Variants in CSNK2A1 observed in about 807,000 individuals in gnomAD.
CSNK2A1 encodes casein kinase 2 alpha 1.
A neutral mutation model predicts 62.9 loss-of-function variants in CSNK2A1; 10 were observed. The ratio of observed to expected loss-of-function variants is 0.16; its 90% CI spans 0.10 to 0.27. The LOEUF (loss-of-function observed/expected upper bound fraction) is 0.27. CSNK2A1 is among the 10% of genes least tolerant of loss of function. CSNK2A1 has a pLI of 1.00. For missense variants in CSNK2A1, 160 were observed against 492.0 expected, an observed-to-expected ratio of 0.33 and a Z score of 6.38; for synonymous variants, 124 against 167.8, an observed-to-expected ratio of 0.74 and a Z score of 2.02.
intron 9 of CSNK2A1, 95 bp downstream of exon 9, chr20:492,159 C>CTACCTAAA (rs2018249225): frequency 1.0e-6 from 1 of 970,042 alleles, no homozygotes; most frequent in Non-Finnish European, 1.6e-6. Flanking sequence ...ATTAAGTGGC[C>CTACCTAAA]TACCTAAATG....
At chr20:511,175 C>T (rs2018711471) in intron 2 of CSNK2A1, among the ~76,000 whole-genome samples, 1 of 151,944 alleles carries the variant, frequency 6.6e-6, no homozygotes, top group Admixed American at 6.6e-5. Flanking sequence ...CCCATCTCTA[C>T]TGAAAATACA....
Position 543,748 on chromosome 20 carries a change from G to C in CSNK2A1, c.-303C>G, listed in dbSNP as rs938064855. The C allele has an allele frequency of 5.0e-6, 2 of 398,440 alleles. No homozygotes were observed. The highest frequency in any genetic ancestry group is 3.6e-5 in the East Asian group (1 of 28,042). 24.7% of individuals were successfully genotyped at this position (398,440 alleles called of 1,614,324 possible). ...ACAATATGGCGGCGATGGAGGAGGA[G>C]ACACACGGCTCGGCCGCCAGCCGCA... On this transcript the variant is annotated 5_prime_UTR_variant, in exon 1 of 14. Coordinates refer to ENST00000217244, the MANE Select transcript of CSNK2A1 (RefSeq NM_177559.3).
chr20:509,155 C>T (rs1214712049), intron 2 of CSNK2A1, among the ~76,000 whole-genome samples: 3 of 152,220 alleles, frequency 2.0e-5, no homozygotes, highest in East Asian at 1.9e-4. Flanking sequence ...TGTTCTCATA[C>T]ATCAAAGCTC....
intron 9 of CSNK2A1, among the ~76,000 whole-genome samples, chr20:490,364 AG>A (rs2018200224): frequency 1.7e-5 from 1 of 58,362 alleles, no homozygotes; most frequent in African/African-American, 6.9e-5. Flanking sequence ...TTTTTTTTTT[AG>A]TTTTTTCTTT....
In CSNK2A1 at chr20:497,709, A is replaced by G. The variant is rs2018373328; in HGVS notation, c.426+12T>C. ...CAATTTAAAAAATATTTAGTATTCA[A>G]GGTTCACTTACCTTCAGAATCTCAT... is the stretch of plus-strand genomic sequence containing the variant. On this transcript the variant is annotated intron_variant, in intron 7 of 13. Transcript: ENST00000217244. 3 of 1,597,580 alleles carry G rather than the reference A, an allele frequency of 1.9e-6. No individual in the cohort carries two copies. Among genetic ancestry groups the G allele is most frequent in the Non-Finnish European group, 2.6e-6 (3 of 1,166,738 alleles).
chr20:535,031 T>G (rs1600417885), intron 1 of CSNK2A1, among the ~76,000 whole-genome samples: 1 of 65,664 alleles, frequency 1.5e-5, no homozygotes, highest in Non-Finnish European at 2.6e-5. Flanking sequence ...AGATGCTATC[T>G]CCCAAAAAAA....
intron 1 of CSNK2A1, among the ~76,000 whole-genome samples, chr20:528,565 A>G (rs906372933): frequency 2.6e-5 from 4 of 151,696 alleles, no homozygotes; most frequent in African/African-American, 9.7e-5. Context: ...ATAGGCATAC[A>G]CTACTGTCCC....
At chr20:518,032 C>T (rs1489383694) in intron 2 of CSNK2A1, among the ~76,000 whole-genome samples, 3 of 152,186 alleles carry the variant, frequency 2.0e-5, no homozygotes, top group South Asian at 2.1e-4. Context: ...GTGGCACAAT[C>T]GTAGCTCACT....
At chr20:525,346 T>C (rs1290301559) in intron 2 of CSNK2A1, among the ~76,000 whole-genome samples, 3 of 151,822 alleles carry the variant, frequency 2.0e-5, no homozygotes, top group South Asian at 2.1e-4. Flanking sequence ...ACCTCGCCTC[T>C]ATAAAAATAA....
chr20:489,577 C>A, intron 10 of CSNK2A1: 1 of 442,798 alleles, frequency 2.3e-6, no homozygotes, highest in Non-Finnish European at 4.0e-6. Context: ...TATATGTATT[C>A]TTCACAATAA....
In CSNK2A1 at chr20:481,437, G is replaced by C. The variant is rs2017953526; in HGVS notation, c.*2524C>G. 1 of 151,566 alleles carries C rather than the reference G, an allele frequency of 6.6e-6. No individual in the cohort carries two copies. Among genetic ancestry groups the C allele is most frequent in the African/African-American group, 2.4e-5 (1 of 41,226 alleles). The allele number at this position is 151,566 out of a possible 1,614,324, so 9.4% of individuals were successfully genotyped here. On this transcript the variant is annotated 3_prime_UTR_variant, in exon 14 of 14. Coordinates refer to ENST00000217244, the MANE Select transcript of CSNK2A1 (RefSeq NM_177559.3). ...GTCCCAATACAAGGTATACAGATGA[G>C]GTAATTTACAACAACACGTAAGTTG...
At chr20:512,540 C>T (rs1445872313) in intron 2 of CSNK2A1, among the ~76,000 whole-genome samples, 2 of 152,142 alleles carry the variant, frequency 1.3e-5, no homozygotes, top group African/African-American at 4.8e-5. Context: ...GTGTCGGCAG[C>T]TAAAGGCTTT....
Position 503,927 on chromosome 20 carries a change from C to T in CSNK2A1, c.213+1191G>A, listed in dbSNP as rs147239953. ...GCGCAGTGGCTCACGCCTGTAATCC[C>T]AGCACTTTGGGAGGCCGAGGCGGGC... is the stretch of plus-strand genomic sequence containing the variant. On this transcript the variant is annotated intron_variant, in intron 4 of 13. Coordinates refer to ENST00000217244, the MANE Select transcript of CSNK2A1 (RefSeq NM_177559.3). 6.9e-3 allele frequency among the ~76,000 whole-genome samples: 1,057 copies of T among 152,326 alleles called. 12 individuals carry two copies. Among genetic ancestry groups the T allele is most frequent in the African/African-American group, 0.024 (996 of 41,576 alleles).
chr20:522,041 C>T (rs1568550487), intron 2 of CSNK2A1, among the ~76,000 whole-genome samples: 1 of 152,210 alleles, frequency 6.6e-6, no homozygotes, highest in Admixed American at 6.5e-5. Context: ...AGGTGAGCAG[C>T]GGGAGTCACT....
intron 8 of CSNK2A1, chr20:494,728 C>G (rs578147877): frequency 2.0e-4 from 30 of 152,238 alleles, no homozygotes; most frequent in African/African-American, 7.2e-4. Context: ...TTGGTTTTAC[C>G]TCTTTGATTT....
rs2017812020 is a variant in CSNK2A1, at chr20:474,632, T to G, written c.*9329A>C. 1 of 152,190 alleles carries G rather than the reference T, an allele frequency of 6.6e-6. No individual in the cohort carries two copies. The highest frequency in any genetic ancestry group is 1.9e-4 in the East Asian group (1 of 5,198). The allele number at this position is 152,190 out of a possible 1,614,324, so 9.4% of individuals were successfully genotyped here. A position where few individuals can be genotyped will look rare whatever the true frequency, so the allele number is the denominator to read the frequency against. On this transcript the variant is annotated 3_prime_UTR_variant, in exon 14 of 14. Transcript: ENST00000217244. ...AAAAAATCTCAAAATAACATGCAAC[T>G]GTTTGATTTTTCAGTTTTAGGCATT...
Position 503,376 on chromosome 20 carries a change from CAT to C in CSNK2A1, c.213+1740_213+1741del, listed in dbSNP as rs549335504. The C allele has an allele frequency of 2.1e-3, 836 of 397,832 alleles. 2 individuals are homozygous for C. Among genetic ancestry groups the C allele is most frequent in the Non-Finnish European group, 2.0e-3 (454 of 225,976 alleles). 24.6% of individuals were successfully genotyped at this position (397,832 alleles called of 1,614,324 possible). A position where few individuals can be genotyped will look rare whatever the true frequency, so the allele number is the denominator to read the frequency against. Reference sequence around the variant, plus strand: ...AAGGACTACTATGGCTAGTCACCCACATGTTTTGATTTCCAACCTAGTTCTCT... The same window carrying C: ...AAGGACTACTATGGCTAGTCACCCACGTTTTGATTTCCAACCTAGTTCTCT... On this transcript the variant is annotated intron_variant, in intron 4 of 13. Transcript: ENST00000217244.
rs2122471499 is a variant in CSNK2A1, at chr20:477,110, A to C, written c.*6851T>G. 6.6e-6 allele frequency: 1 copy of C among 152,206 alleles called. No individual in the cohort carries two copies. The allele number at this position is 152,206 out of a possible 1,614,324, so 9.4% of individuals were successfully genotyped here. On this transcript the variant is annotated 3_prime_UTR_variant, in exon 14 of 14. Coordinates refer to ENST00000217244, the MANE Select transcript of CSNK2A1 (RefSeq NM_177559.3). ...CCCTATGTTGCCCAGGCTGGTCTCC[A>C]ACTCGTGGCCTCAAGCAATCCTCCT...
intron 12 of CSNK2A1, 165 bp downstream of exon 12, chr20:487,262 C>T: frequency 2.3e-6 from 2 of 876,212 alleles, no homozygotes; most frequent in Non-Finnish European, 3.5e-6. Flanking sequence ...AGAATTCTTC[C>T]AGTAATTCTG....
Sources: allele counts gnomAD v4.1 joint callset (sites outside exome capture counted in the v4.1 genomes callset), GRCh38; gene constraint gnomAD v4.1.1; transcripts MANE v1.5; gene names NCBI Gene and HGNC (gene_info 2026-07-23, HGNC 2026-07-21).